The following THSD4 variants were observed in gnomAD, a reference collection of about 807,000 sequenced individuals.
THSD4 encodes the protein thrombospondin type-1 domain-containing protein 4.
THSD4 carries 69 observed loss-of-function variants against 119.0 expected under a neutral mutation model. The ratio of observed to expected loss-of-function variants is 0.58; its 90% CI spans 0.48 to 0.71. THSD4 has a LOEUF of 0.71. Among genes scored for constraint, THSD4 ranks in the 30% least tolerant of loss-of-function variants. The pLI, the probability that THSD4 is intolerant of heterozygous loss-of-function variation, is 0.00. For synonymous variants in THSD4, 524 were observed against 540.4 expected (o/e 0.97, Z 0.42); for missense variants, 1,393 against 1,391.1 (o/e 1.00, Z -0.02).
At chr15:71,711,535 T>C (rs1278290470) in intron 8 of THSD4, among the ~76,000 whole-genome samples, 1 of 151,886 alleles carries the variant, frequency 6.6e-6, no homozygotes, top group African/African-American at 2.4e-5. Context: ...AACAGAGGAA[T>C]AAAAAAGGTG....
chr15:71,315,209 G>A (rs2045169326), intron 6 of THSD4, among the ~76,000 whole-genome samples: 1 of 152,194 alleles, frequency 6.6e-6, no homozygotes, highest in African/African-American at 2.4e-5. Flanking sequence ...CCTCATCTCT[G>A]GCTGATATAC....
chr15:71,771,453 A>G (rs969215924), intron 17 of THSD4, among the ~76,000 whole-genome samples: 1 of 152,206 alleles, frequency 6.6e-6, no homozygotes, highest in Admixed American at 6.5e-5. Context: ...TTAAAATGGT[A>G]ATGCCTTCAA....
chr15:71,162,227 A>G (rs898398728), intron 3 of THSD4, among the ~76,000 whole-genome samples: 2 of 151,866 alleles, frequency 1.3e-5, no homozygotes, highest in African/African-American at 4.8e-5. Flanking sequence ...CTGGTTTTGT[A>G]TTTTCACATG....
At chr15:71,637,890 TAA>T (rs1397085703) in intron 7 of THSD4, among the ~76,000 whole-genome samples, 7 of 151,852 alleles carry the variant, frequency 4.6e-5, no homozygotes, top group Non-Finnish European at 7.4e-5. Context: ...CACACCTGGC[TAA>T]GTTTTTGTAT....
chr15:71,579,670 A>G (rs1018005795), intron 7 of THSD4, among the ~76,000 whole-genome samples: 5 of 152,160 alleles, frequency 3.3e-5, no homozygotes, highest in African/African-American at 4.8e-5. Flanking sequence ...TGGGTCATGT[A>G]TCTCTCCTCT....
At chr15:71,673,704 G>A (rs980007993) in intron 8 of THSD4, among the ~76,000 whole-genome samples, 5 of 152,152 alleles carry the variant, frequency 3.3e-5, no homozygotes, top group African/African-American at 1.2e-4. Context: ...TGTTCTCATT[G>A]GTTTCAAAGA....
chr15:71,170,867 C>T (rs994800888), intron 3 of THSD4, among the ~76,000 whole-genome samples: 1 of 152,004 alleles, frequency 6.6e-6, no homozygotes, highest in African/African-American at 2.4e-5. Context: ...AATCTAACTT[C>T]TTGAGATGAA....
chr15:71,652,576 G>C (rs112821463), intron 7 of THSD4, among the ~76,000 whole-genome samples: 1 of 152,164 alleles, frequency 6.6e-6, no homozygotes, highest in Non-Finnish European at 1.5e-5. Flanking sequence ...GATGACCCTT[G>C]TTGGAATTGG....
intron 7 of THSD4, among the ~76,000 whole-genome samples, chr15:71,475,010 T>C (rs1262513949): frequency 6.6e-6 from 1 of 152,204 alleles, no homozygotes; most frequent in Non-Finnish European, 1.5e-5. Context: ...CCAGACCGAC[T>C]ACTGATTCAG....
chr15:71,689,902 A>G (rs184831500), intron 8 of THSD4, among the ~76,000 whole-genome samples: 1 of 152,314 alleles, frequency 6.6e-6, no homozygotes, highest in Non-Finnish European at 1.5e-5. Context: ...GGAGGCTTAG[A>G]GCTGACTTTT....
At chr15:71,343,715 AT>A (rs35533590) in intron 6 of THSD4, among the ~76,000 whole-genome samples, 208 of 134,760 alleles carry the variant, frequency 1.5e-3, no homozygotes, top group Middle Eastern at 7.8e-3. Flanking sequence ...TCATCTCAGG[AT>A]TTTTTTTTTT....
intron 1 of THSD4, among the ~76,000 whole-genome samples, chr15:71,128,849 G>A (rs974849906): frequency 5.9e-5 from 9 of 152,192 alleles, no homozygotes; most frequent in African/African-American, 2.2e-4. Flanking sequence ...TGAGGGAAAG[G>A]CACATAGATT....
Position 71,196,455 on chromosome 15 carries a change from T to G in THSD4, c.100-18580T>G, listed in dbSNP as rs570366727. On this transcript the variant is annotated intron_variant, in intron 3 of 17. Coordinates refer to ENST00000261862, the MANE Select transcript of THSD4 (RefSeq NM_024817.3). ...TATAATCAAATTGAAAAAGAGAGAT[T>G]ATTGCAAGAATCCAGAAGACTCGAT... Among the ~76,000 whole-genome samples the G allele has an allele frequency of 3.9e-5, 6 of 152,146 alleles. 1 individual carries two copies. The highest frequency in any genetic ancestry group is 1.4e-4 in the African/African-American group (6 of 41,506).
At chr15:71,285,930 TATC>T (rs1034645405) in intron 6 of THSD4, among the ~76,000 whole-genome samples, 29 of 150,038 alleles carry the variant, frequency 1.9e-4, no homozygotes, top group Non-Finnish European at 2.4e-4. Flanking sequence ...TCTTTATTAA[TATC>T]ATTGCAAGAA....
At chr15:71,644,007 T>C (rs940216763) in intron 7 of THSD4, among the ~76,000 whole-genome samples, 46 of 152,320 alleles carry the variant, frequency 3.0e-4, no homozygotes, top group African/African-American at 1.1e-3. Context: ...ATTTTGAAAA[T>C]ATATCTTAAA....
At chr15:71,570,500 G>T (rs1244528146) in intron 7 of THSD4, among the ~76,000 whole-genome samples, 1 of 151,740 alleles carries the variant, frequency 6.6e-6, no homozygotes, top group Non-Finnish European at 1.5e-5. Context: ...TCTGCCTCCT[G>T]GGTTCAAGCG....
At chr15:71,416,681 A>C (rs1394551158) in intron 7 of THSD4, among the ~76,000 whole-genome samples, 3 of 103,760 alleles carry the variant, frequency 2.9e-5, no homozygotes, top group Admixed American at 2.5e-4. Context: ...CATTTTATTT[A>C]TTTTATTTTG....
chr15:71,777,626 C>T lies in THSD4; in HGVS notation c.*252C>T. On this transcript the variant is annotated 3_prime_UTR_variant, in exon 18 of 18. Transcript: ENST00000261862. ...ATCCCCTCCTTGGACCTGGCATCTG[C>T]TAATGGTGCCCTTTGAAAGTCAAGC... 9.7e-6 allele frequency: 5 copies of T among 516,690 alleles called. No homozygotes were observed. The highest frequency in any genetic ancestry group is 1.7e-5 in the Non-Finnish European group (5 of 286,512). 32.0% of individuals were successfully genotyped at this position (516,690 alleles called of 1,614,324 possible).
At chr15:71,646,273 A>C (rs914029379) in intron 7 of THSD4, among the ~76,000 whole-genome samples, 2 of 152,148 alleles carry the variant, frequency 1.3e-5, no homozygotes, top group African/African-American at 4.8e-5. Context: ...CACCTCTCTG[A>C]ATAGAGGGAG....
Sources: gnomAD v4.1 joint callset for allele counts (sites outside exome capture counted in the v4.1 genomes callset) on GRCh38, gnomAD v4.1.1 for gene constraint, MANE v1.5 for transcripts, NCBI Gene and HGNC (gene_info 2026-07-23, HGNC 2026-07-21) for gene names.